Variants in WDR41 observed in about 807,000 individuals in gnomAD.
WDR41 encodes the protein WD repeat-containing protein 41.
Under a neutral mutation model 69.3 loss-of-function variants are expected in WDR41, and 63 were observed. That is an observed-to-expected ratio of 0.91 (90% confidence interval 0.74 to 1.12). WDR41 has a LOEUF of 1.12. Among genes scored for constraint, WDR41 ranks in the 50% most tolerant of loss-of-function variants. The pLI is 0.00. For synonymous variants in WDR41, 185 were observed against 192.1 expected (o/e 0.96, Z 0.31); for missense variants, 543 against 534.5 (o/e 1.02, Z -0.16).
chr5:77,470,689 T>G (rs1223614528), intron 2 of WDR41, among the ~76,000 whole-genome samples: 3 of 152,158 alleles, frequency 2.0e-5, no homozygotes, highest in Non-Finnish European at 4.4e-5. Context: ...AGAAGGCCAT[T>G]ACATCATGGT....
At chr5:77,591,169 G>A (rs928530717) in intron 1 of WDR41, among the ~76,000 whole-genome samples, 1 of 151,590 alleles carries the variant, frequency 6.6e-6, no homozygotes, top group East Asian at 1.9e-4. Flanking sequence ...CAAATGTTTA[G>A]GTATACATTT....
intron 1 of WDR41, among the ~76,000 whole-genome samples, chr5:77,594,117 G>C (rs1412196505): frequency 6.6e-6 from 1 of 151,936 alleles, no homozygotes; most frequent in East Asian, 1.9e-4. Context: ...CCTTTGTAGG[G>C]ACATGGATGA....
intron 8 of WDR41, among the ~76,000 whole-genome samples, chr5:77,447,645 A>G (rs1233236181): frequency 6.6e-6 from 1 of 152,224 alleles, no homozygotes; most frequent in Non-Finnish European, 1.5e-5. Flanking sequence ...GGAAGCCATC[A>G]TTCTCAGCAA....
intron 1 of WDR41, among the ~76,000 whole-genome samples, chr5:77,562,176 C>T (rs968784015): frequency 5.3e-5 from 8 of 152,234 alleles, no homozygotes; most frequent in Admixed American, 2.0e-4. Context: ...CGATCTGCTG[C>T]GCTTGTCACA....
rs754455716 is a variant in WDR41 at position 77,433,212 on chromosome 5, CTCCATTTTTCCACA to C, written c.1289_1302del (p.Leu430Ter). On this transcript the variant is annotated frameshift_variant, in exon 13 of 13. Transcript: ENST00000296679. LOFTEE classifies it high-confidence loss of function. ...AAACTGCGCAATCCAGATTCTCGCT[CTCCATTTTTCCACA>C]AAATAATGAGATGATCAGCGGAGCA... The C allele has an allele frequency of 6.2e-7, 1 of 1,614,070 alleles. No individual in the cohort carries two copies. Among genetic ancestry groups the C allele is most frequent in the Non-Finnish European group, 8.5e-7 (1 of 1,179,976 alleles).
At chr5:77,481,050 C>T (rs1303746606) in intron 2 of WDR41, among the ~76,000 whole-genome samples, 1 of 150,510 alleles carries the variant, frequency 6.6e-6, no homozygotes, top group East Asian at 2.0e-4. Context: ...GAGACAAAGT[C>T]TCGCCCTGTT....
chr5:77,507,837 C>T (rs1802135432), intron 1 of WDR41, among the ~76,000 whole-genome samples: 2 of 151,960 alleles, frequency 1.3e-5, no homozygotes, highest in Non-Finnish European at 2.9e-5. Flanking sequence ...AAATATTTTT[C>T]CTGCTCCTTC....
upstream of WDR41, among the ~76,000 whole-genome samples, chr5:77,496,636 C>A (rs1162240788): frequency 6.6e-6 from 1 of 151,922 alleles, no homozygotes; most frequent in Non-Finnish European, 1.5e-5. Context: ...AATAAAAAGA[C>A]GTCCAAGCTC....
chr5:77,456,511 T>C (rs951520629), intron 5 of WDR41, among the ~76,000 whole-genome samples: 3 of 152,204 alleles, frequency 2.0e-5, no homozygotes, highest in Admixed American at 6.5e-5. Context: ...CACAAGATCA[T>C]GTTATTTGGG....
intron 1 of WDR41, among the ~76,000 whole-genome samples, chr5:77,500,799 G>A (rs765626907): frequency 3.9e-5 from 6 of 152,160 alleles, no homozygotes; most frequent in Non-Finnish European, 7.4e-5. Context: ...AAGGGCAGAC[G>A]AACTAGAATG....
chr5:77,433,229 ATAATG>A lies in WDR41; in HGVS notation c.1281_1285del (p.Ile428PhefsTer25). On this transcript the variant is annotated frameshift_variant, in exon 13 of 13. Transcript: ENST00000296679. LOFTEE classifies it high-confidence loss of function. ...TTCTCGCTCTCCATTTTTCCACAAA[ATAATG>A]AGATGATCAGCGGAGCACGTCACTA... The A allele has an allele frequency of 6.2e-7, 1 of 1,613,778 alleles. No homozygotes were observed. The highest frequency in any genetic ancestry group is 1.3e-5 in the African/African-American group (1 of 75,054).
intron 1 of WDR41, among the ~76,000 whole-genome samples, chr5:77,550,300 A>G (rs915077005): frequency 3.3e-5 from 5 of 152,226 alleles, no homozygotes; most frequent in Non-Finnish European, 5.9e-5. Flanking sequence ...AACAGATTTA[A>G]TAGACAACTT....
chr5:77,545,811 A>C (rs987355036), intron 1 of WDR41: 1 of 1,028,390 alleles, frequency 9.7e-7, no homozygotes. Flanking sequence ...TAAGTGCTCC[A>C]AGGAGGTGGC....
intron 1 of WDR41, among the ~76,000 whole-genome samples, chr5:77,521,006 A>G (rs1802362457): frequency 6.6e-6 from 1 of 152,110 alleles, no homozygotes; most frequent in South Asian, 2.1e-4. Context: ...GACCTTCGGG[A>G]AGCCTATATG....
At chr5:77,608,987 G>A (rs539865022) in intron 1 of WDR41, among the ~76,000 whole-genome samples, 147 of 152,224 alleles carry the variant, frequency 9.7e-4, no homozygotes, top group African/African-American at 3.3e-3. Flanking sequence ...AAAAAACGGC[G>A]CACCGGGAGA....
At chr5:77,583,142 T>C (rs1368640084) in intron 1 of WDR41, 7 of 1,308,546 alleles carry the variant, frequency 5.3e-6, no homozygotes, top group Non-Finnish European at 6.5e-6. Flanking sequence ...CATGATTATT[T>C]TTCTAAGCTG....
chr5:77,556,557 G>A (rs371654528), intron 1 of WDR41, among the ~76,000 whole-genome samples: 6 of 152,220 alleles, frequency 3.9e-5, no homozygotes, highest in Admixed American at 2.6e-4. Context: ...ACAGGCACGC[G>A]CCACCACACC....
intron 2 of WDR41, among the ~76,000 whole-genome samples, chr5:77,469,221 A>G (rs1345392985): frequency 6.6e-6 from 1 of 152,066 alleles, no homozygotes; most frequent in African/African-American, 2.4e-5. Flanking sequence ...GAAGGGGAAC[A>G]TCACACACCA....
At chr5:77,485,853 C>T (rs1411732892) in intron 2 of WDR41, among the ~76,000 whole-genome samples, 1 of 151,550 alleles carries the variant, frequency 6.6e-6, no homozygotes, top group Non-Finnish European at 1.5e-5. Flanking sequence ...TTAGCTGAGC[C>T]ACTGAGAAAA....
Sources: gnomAD v4.1 joint callset for allele counts (sites outside exome capture counted in the v4.1 genomes callset) on GRCh38, gnomAD v4.1.1 for gene constraint, MANE v1.5 for transcripts, NCBI Gene and HGNC (gene_info 2026-07-23, HGNC 2026-07-21) for gene names.